The following GRID2 variants were observed in gnomAD, a reference collection of about 807,000 sequenced individuals.
GRID2 encodes glutamate ionotropic receptor delta type subunit 2.
In GRID2, 33 loss-of-function variants were observed where a neutral mutation model predicts 114.8. That is an observed-to-expected ratio of 0.29 (90% confidence interval 0.22 to 0.38). The LOEUF (loss-of-function observed/expected upper bound fraction) is 0.38, where lower values mean the gene tolerates loss of function less well. GRID2 is among the 10% of genes least tolerant of loss of function. GRID2 has a pLI of 1.00. For synonymous variants in GRID2, 505 were observed against 449.9 expected (o/e 1.12, Z -1.55); for missense variants, 1,184 against 1,257.7 (o/e 0.94, Z 0.89).
At chr4:93,608,803 T>G (rs1263170329) in intron 13 of GRID2, among the ~76,000 whole-genome samples, 1 of 136,484 alleles carries the variant, frequency 7.3e-6, no homozygotes, top group Non-Finnish European at 1.6e-5. Context: ...GCAGCATGAT[T>G]TATAGTCATT....
rs80159456 is a variant in GRID2 at position 93,106,269 on chromosome 4, A to G, written c.530-4479A>G. Among the ~76,000 whole-genome samples the G allele has an allele frequency of 2.3e-3, 354 of 152,336 alleles. 1 individual carries two copies. Among genetic ancestry groups the G allele is most frequent in the African/African-American group, 8.0e-3 (334 of 41,576 alleles). On this transcript the variant is annotated intron_variant, in intron 3 of 15. Coordinates refer to ENST00000282020, the MANE Select transcript of GRID2 (RefSeq NM_001510.4). ...TCTCATTGGCTGCCAGCTAATCAGC[A>G]TACAGATAATGTGGCTGAATGATTG...
At chr4:93,008,733 A>T (rs1377166479) in intron 2 of GRID2, among the ~76,000 whole-genome samples, 1 of 152,144 alleles carries the variant, frequency 6.6e-6, no homozygotes, top group African/African-American at 2.4e-5. Context: ...GATCTTTTGC[A>T]TCGGCCATAG....
chr4:92,662,910 T>G (rs760622838), intron 2 of GRID2, among the ~76,000 whole-genome samples: 8 of 151,180 alleles, frequency 5.3e-5, no homozygotes, highest in Middle Eastern at 6.8e-3. Context: ...AATACAGAAA[T>G]TTTAAACTGT....
intron 2 of GRID2, among the ~76,000 whole-genome samples, chr4:92,856,115 T>C (rs1361132400): frequency 6.6e-6 from 1 of 152,090 alleles, no homozygotes; most frequent in East Asian, 1.9e-4. Context: ...TCTACTCCTG[T>C]GTTACTGGTT....
At chr4:93,339,696 A>G (rs763831174) in intron 8 of GRID2, among the ~76,000 whole-genome samples, 8 of 152,064 alleles carry the variant, frequency 5.3e-5, no homozygotes, top group Non-Finnish European at 7.4e-5. Context: ...GTATTAGCTC[A>G]TTTTCATACA....
intron 1 of GRID2, among the ~76,000 whole-genome samples, chr4:92,308,481 CA>C (rs1481325790): frequency 6.6e-6 from 1 of 152,114 alleles, no homozygotes; most frequent in African/African-American, 2.4e-5. Context: ...TTCTCACAAA[CA>C]GATGATACTT....
chr4:92,794,897 T>C (rs1560596313), intron 2 of GRID2, among the ~76,000 whole-genome samples: 2 of 139,788 alleles, frequency 1.4e-5, no homozygotes, highest in African/African-American at 5.3e-5. Flanking sequence ...TATATATATA[T>C]ATATATATAC....
intron 3 of GRID2, among the ~76,000 whole-genome samples, chr4:93,096,726 T>C (rs1276430492): frequency 6.6e-6 from 1 of 152,028 alleles, no homozygotes; most frequent in Non-Finnish European, 1.5e-5. Context: ...CTGGTTGGAA[T>C]GTAAAACATA....
chr4:92,949,752 C>A lies in GRID2; in HGVS notation c.245-135243C>A, dbSNP rs552418484. On this transcript the variant is annotated intron_variant, in intron 2 of 15. Transcript: ENST00000282020. The stretch of plus-strand genomic sequence containing the variant: ...TGTTTAGAAACCTGCTACCATCCAA[C>A]AAATTGAAACTGAACTGATGTTAGT... 1.1e-3 allele frequency among the ~76,000 whole-genome samples: 168 copies of A among 151,850 alleles called. 1 individual carries two copies. Among genetic ancestry groups the A allele is most frequent in the African/African-American group, 4.0e-3 (165 of 41,428 alleles).
At chr4:92,471,197 T>C (rs1315760131) in intron 1 of GRID2, among the ~76,000 whole-genome samples, 1 of 152,038 alleles carries the variant, frequency 6.6e-6, no homozygotes, top group East Asian at 1.9e-4. Flanking sequence ...TAAACAACAT[T>C]CTGAGGTATT....
At chr4:93,614,195 G>T (rs527508268) in intron 13 of GRID2, among the ~76,000 whole-genome samples, 6 of 152,174 alleles carry the variant, frequency 3.9e-5, no homozygotes, top group Admixed American at 3.3e-4. Context: ...GCACCCACTG[G>T]CCTGCGCCCA....
chr4:92,743,799 T>C (rs1737013103), intron 2 of GRID2, among the ~76,000 whole-genome samples: 1 of 152,206 alleles, frequency 6.6e-6, no homozygotes, highest in African/African-American at 2.4e-5. Context: ...TCCTGCTAGT[T>C]CACTTTGTTA....
chr4:93,228,444 T>A (rs561895987), intron 7 of GRID2, among the ~76,000 whole-genome samples: 1 of 152,320 alleles, frequency 6.6e-6, no homozygotes, highest in East Asian at 1.9e-4. Flanking sequence ...TCAATACCAT[T>A]ACAATGGCAA....
intron 11 of GRID2, among the ~76,000 whole-genome samples, chr4:93,483,364 G>A (rs10049518): frequency 0.24 from 36,630 of 151,600 alleles, 5,427 homozygotes; most frequent in Non-Finnish European, 0.34. Context: ...TTTTAAAAAA[G>A]GTATTAGTTT....
rs1727812636 is a variant in GRID2, at chr4:92,574,951, G to A, written c.89-15180G>A. ...TTTCCATTATCTTTATCTCTTTCAG[G>A]TACCCCAATCAGTTATAGATTCTGT... On this transcript the variant is annotated intron_variant, in intron 1 of 15. Transcript: ENST00000282020. Among the ~76,000 whole-genome samples, 4 of 151,882 alleles carry A rather than the reference G, an allele frequency of 2.6e-5. No individual in the cohort carries two copies. In the South Asian group the frequency reaches 8.3e-4, roughly 32 times the overall value.
At chr4:92,482,623 ATTAAT>A (rs1466261735) in intron 1 of GRID2, among the ~76,000 whole-genome samples, 1 of 152,104 alleles carries the variant, frequency 6.6e-6, no homozygotes, top group Admixed American at 6.6e-5. Context: ...TTAAGACGAG[ATTAAT>A]TTAAGTCAGA....
chr4:93,144,297 C>A (rs1736011435), intron 4 of GRID2, among the ~76,000 whole-genome samples: 1 of 152,216 alleles, frequency 6.6e-6, no homozygotes, highest in Admixed American at 6.5e-5. Context: ...TTGCTAAATT[C>A]TTTATGTGCA....
In GRID2 at chr4:93,111,047, G is replaced by A. The variant is rs1044288909; in HGVS notation, c.735+94G>A. 61 of 777,830 alleles carry A rather than the reference G, an allele frequency of 7.8e-5. 1 individual carries two copies. The highest frequency in any genetic ancestry group is 2.4e-4 in the South Asian group (15 of 62,724). 48.2% of individuals were successfully genotyped at this position (777,830 alleles called of 1,614,324 possible). A position where few individuals can be genotyped will look rare whatever the true frequency, so the allele number is the denominator to read the frequency against. ...AGGAGATGAAAATTAAGAGCAGTGCGAGGGAATTAACTACACAATTCTTGT... is the reference window on the plus strand; with the variant it reads ...AGGAGATGAAAATTAAGAGCAGTGCAAGGGAATTAACTACACAATTCTTGT... On this transcript the variant is annotated intron_variant, in intron 4 of 15. Transcript: ENST00000282020.
intron 2 of GRID2, among the ~76,000 whole-genome samples, chr4:92,765,197 T>TA (rs1244259256): frequency 1.3e-5 from 2 of 152,186 alleles, no homozygotes; most frequent in African/African-American, 4.8e-5. Flanking sequence ...TAAACTTAGA[T>TA]AAAAATGGTA....
Sources: gnomAD v4.1 joint callset for allele counts (sites outside exome capture counted in the v4.1 genomes callset) on GRCh38, gnomAD v4.1.1 for gene constraint, MANE v1.5 for transcripts, NCBI Gene and HGNC (gene_info 2026-07-23, HGNC 2026-07-21) for gene names.